The following ITGB6 variants were observed in gnomAD, a reference collection of about 807,000 sequenced individuals.
ITGB6 encodes the protein integrin subunit beta 6.
In ITGB6, 80 loss-of-function variants were observed where a neutral mutation model predicts 84.5. The ratio of observed to expected loss-of-function variants is 0.95; its 90% confidence interval spans 0.79 to 1.14. The LOEUF is 1.14. Ranked by LOEUF, ITGB6 falls within the 50% of genes most tolerant of loss-of-function variation. The pLI is 0.00. For synonymous variants in ITGB6, 383 were observed against 354.9 expected (o/e 1.08, Z -0.89); for missense variants, 1,006 against 968.0 (o/e 1.04, Z -0.52).
chr2:160,143,035 C>T (rs574266173), intron 7 of ITGB6, among the ~76,000 whole-genome samples: 3 of 152,150 alleles, frequency 2.0e-5, no homozygotes, highest in Non-Finnish European at 4.4e-5. Context: ...CATCTGTAAT[C>T]CCAGCACTTT....
intron 12 of ITGB6, among the ~76,000 whole-genome samples, chr2:160,119,185 CA>C (rs1032757837): frequency 1.3e-5 from 2 of 152,070 alleles, no homozygotes; most frequent in Admixed American, 1.3e-4. Flanking sequence ...CATATGGAAC[CA>C]AAAAAGAGCC....
intron 10 of ITGB6, among the ~76,000 whole-genome samples, chr2:160,131,345 T>C (rs925665077): frequency 2.0e-5 from 3 of 152,120 alleles, no homozygotes; most frequent in South Asian, 2.1e-4. Flanking sequence ...TGCTTACAGA[T>C]GGATGAAAGA....
At chr2:160,138,935 T>G (rs1683881196) in intron 8 of ITGB6, among the ~76,000 whole-genome samples, 2 of 152,232 alleles carry the variant, frequency 1.3e-5, no homozygotes, top group South Asian at 4.1e-4. Flanking sequence ...ACATCATGAC[T>G]GCTGCCTGGC....
At chr2:160,131,502 G>A (rs775605681) in intron 10 of ITGB6, among the ~76,000 whole-genome samples, 1 of 152,180 alleles carries the variant, frequency 6.6e-6, no homozygotes, top group Non-Finnish European at 1.5e-5. Flanking sequence ...AGCAGCAGCA[G>A]AGTGTCTATT....
At position 160,107,816 on chromosome 2, in the gene ITGB6, T is replaced by A; in HGVS notation, c.2131A>T (p.Ile711Phe). ...DCPKPPNIPM[I>F]MLGVSLAILL... ...ATAGCCAGGGAAACCCCTAACATGATCATGGGAATGTTTGGAGGCTTCGGA... is the reference window on the plus strand; with the variant it reads ...ATAGCCAGGGAAACCCCTAACATGAACATGGGAATGTTTGGAGGCTTCGGA... Residue 711 changes from isoleucine to phenylalanine, a missense_variant, in exon 14 of 15, where the codon ATC becomes TTC. Ile to Phe is a conservative substitution (Grantham distance 21, BLOSUM62 0). Transcript: ENST00000283249. 1 of 1,612,450 alleles carries A rather than the reference T, an allele frequency of 6.2e-7. No individual in the cohort carries two copies. The highest frequency in any genetic ancestry group is 8.5e-7 in the Non-Finnish European group (1 of 1,178,870).
At chr2:160,116,460 G>T (rs1487916421) in intron 12 of ITGB6, among the ~76,000 whole-genome samples, 1 of 152,050 alleles carries the variant, frequency 6.6e-6, no homozygotes, top group African/African-American at 2.4e-5. Flanking sequence ...ACAAGCAAAT[G>T]CTGAGAGATT....
chr2:160,114,541 T>A (rs1682674003), intron 12 of ITGB6, among the ~76,000 whole-genome samples: 1 of 152,036 alleles, frequency 6.6e-6, no homozygotes, highest in Admixed American at 6.5e-5. Flanking sequence ...GATGGCCGAA[T>A]AGGAACAGCT....
intron 1 of ITGB6, 63 bp from the exon 2 acceptor site, chr2:160,199,321 C>A (rs1046387997): frequency 1.1e-5 from 13 of 1,216,904 alleles, no homozygotes; most frequent in Non-Finnish European, 1.6e-5. Context: ...ATTTATGAGA[C>A]TGATGGCTCT....
chr2:160,192,901 A>T (rs1686196797), intron 4 of ITGB6, among the ~76,000 whole-genome samples: 1 of 152,134 alleles, frequency 6.6e-6, no homozygotes, highest in Admixed American at 6.6e-5. Flanking sequence ...AACATCATTC[A>T]TTATTAAGGA....
intron 14 of ITGB6, among the ~76,000 whole-genome samples, chr2:160,105,955 A>G (rs1696892915): frequency 6.6e-6 from 1 of 152,218 alleles, no homozygotes; most frequent in Non-Finnish European, 1.5e-5. Context: ...GAGGAAAGCT[A>G]TATAACCAAC....
chr2:160,130,259 C>G (rs79022497), intron 10 of ITGB6, among the ~76,000 whole-genome samples: 2 of 152,042 alleles, frequency 1.3e-5, no homozygotes, highest in Non-Finnish European at 2.9e-5. Context: ...TGTATATGTA[C>G]TGTGTTGTTG....
chr2:160,123,930 A>C (rs1428681146), intron 11 of ITGB6, 42 bp from the exon 12 acceptor site: 1 of 1,437,644 alleles, frequency 7.0e-7, no homozygotes. Flanking sequence ...ATGCTGGTGG[A>C]AAATAGATTT....
chr2:160,138,355 G>C (rs1464909789), intron 8 of ITGB6, among the ~76,000 whole-genome samples, 156 bp from the exon 9 acceptor site: 1 of 152,146 alleles, frequency 6.6e-6, no homozygotes, highest in East Asian at 1.9e-4. Flanking sequence ...GCAAGAAAGT[G>C]AGCAATCATA....
intron 4 of ITGB6, among the ~76,000 whole-genome samples, chr2:160,175,721 A>G (rs1446620776): frequency 6.6e-6 from 1 of 152,222 alleles, no homozygotes; most frequent in Non-Finnish European, 1.5e-5. Flanking sequence ...CTGGAGTTCA[A>G]TGTTTATAAT....
intron 7 of ITGB6, among the ~76,000 whole-genome samples, chr2:160,156,948 GC>G (rs1354133981): frequency 6.6e-6 from 1 of 152,118 alleles, no homozygotes; most frequent in Non-Finnish European, 1.5e-5. Flanking sequence ...TCCTTGGGTT[GC>G]CGAAGTCCCA....
chr2:160,125,477 T>C (rs958222104), intron 11 of ITGB6, among the ~76,000 whole-genome samples: 3 of 152,228 alleles, frequency 2.0e-5, no homozygotes, highest in Non-Finnish European at 4.4e-5. Context: ...ATTCAAATCA[T>C]CCTAATCATG....
intron 8 of ITGB6, among the ~76,000 whole-genome samples, chr2:160,141,583 C>A (rs1684002432): frequency 6.6e-6 from 1 of 152,102 alleles, no homozygotes; most frequent in Admixed American, 6.6e-5. Context: ...GAGTTATGAC[C>A]TAGTATCGTC....
intron 4 of ITGB6, among the ~76,000 whole-genome samples, chr2:160,193,380 G>A (rs190221166): frequency 6.6e-6 from 1 of 151,990 alleles, no homozygotes; most frequent in African/African-American, 2.4e-5. Flanking sequence ...CAAACACATA[G>A]GGCATATACT....
intron 12 of ITGB6, among the ~76,000 whole-genome samples, chr2:160,118,714 G>A (rs28897435): frequency 0.67 from 98,144 of 147,440 alleles, 33,297 homozygotes; most frequent in Admixed American, 0.74. Context: ...AGGAAAAGAG[G>A]AAGTCAAATT....
Sources: allele counts gnomAD v4.1 joint callset (sites outside exome capture counted in the v4.1 genomes callset), GRCh38; gene constraint gnomAD v4.1.1; transcripts MANE v1.5; gene names NCBI Gene and HGNC (gene_info 2026-07-23, HGNC 2026-07-21).